The following AKR1C2 variants were observed in gnomAD, a reference collection of about 807,000 sequenced individuals.
The protein encoded by AKR1C2 is aldo-keto reductase family 1 member C2.
Under a neutral mutation model 39.8 loss-of-function variants are expected in AKR1C2, and 27 were observed. The observed-to-expected ratio is 0.68, with a 90% CI of 0.50 to 0.93. The LOEUF (loss-of-function observed/expected upper bound fraction) is 0.93, where lower values mean the gene tolerates loss of function less well. Ranked by LOEUF, AKR1C2 falls within the 40% of genes least tolerant of loss-of-function variation. The probability of loss-of-function intolerance (pLI) is 0.00; values close to 1 mark genes in which losing one functional copy is unlikely to be tolerated. For missense variants in AKR1C2, 263 were observed against 365.1 expected, an observed-to-expected ratio of 0.72 and a Z score of 2.28; for synonymous variants, 114 against 137.9, an observed-to-expected ratio of 0.83 and a Z score of 1.22.
upstream of AKR1C2, among the ~76,000 whole-genome samples, chr10:5,007,023 T>G (rs1837421321): frequency 6.7e-6 from 1 of 148,306 alleles, no homozygotes; most frequent in African/African-American, 2.5e-5. Flanking sequence ...CCGCCCACCT[T>G]GGCCTCCCAG....
In AKR1C2 at chr10:5,000,807, C is replaced by G. The variant is rs548844949; in HGVS notation, c.253-141G>C. The stretch of plus-strand genomic sequence containing the variant: ...AATTATTCTCTCTCTTCTTGTGATG[C>G]CTTTTGTTCTGCCATATCATGATGA... On this transcript the variant is annotated intron_variant, in intron 2 of 8. Coordinates refer to ENST00000380753, the MANE Select transcript of AKR1C2 (RefSeq NM_001393392.1). 3.9e-4 allele frequency: 274 copies of G among 695,232 alleles called. 1 individual carries two copies. Among genetic ancestry groups the G allele is most frequent in the Non-Finnish European group, 3.3e-4 (133 of 398,064 alleles). 43.1% of individuals were successfully genotyped at this position (695,232 alleles called of 1,614,324 possible). A position where few individuals can be genotyped will look rare whatever the true frequency, so the allele number is the denominator to read the frequency against.
chr10:4,998,717 C>T lies in AKR1C2; in HGVS notation c.478G>A (p.Ala160Thr). ...AAGTTGGACACCCCGATGGACTTGG[C>T]CAATCCTGCATCTTTACACTTCTCC... ...AMEKCKDAGLAKSIGVSNFNH... is the reference protein window; with the variant it reads ...AMEKCKDAGLTKSIGVSNFNH... The change falls in exon 5 of 9, where the codon GCC becomes ACC. Residue 160 changes from alanine to threonine, a missense_variant. Around this residue, in one of 3 missense-constraint regions of AKR1C2, gnomAD observed 247 missense variants for 267.9 expected, o/e 0.92. Transcript: ENST00000380753. The T allele has an allele frequency of 6.2e-7, 1 of 1,614,082 alleles. No individual in the cohort carries two copies. The highest frequency in any genetic ancestry group is 8.5e-7 in the Non-Finnish European group (1 of 1,180,016).
intron 4 of AKR1C2, among the ~76,000 whole-genome samples, 198 bp from the exon 5 acceptor site, chr10:4,998,945 C>T (rs1435492801): frequency 6.6e-6 from 1 of 152,116 alleles, no homozygotes; most frequent in African/African-American, 2.4e-5. Flanking sequence ...TCTGTTTCCT[C>T]CTTAGGAAAG....
At chr10:5,008,539 C>A (rs1443972492), upstream of AKR1C2, among the ~76,000 whole-genome samples, 1 of 152,084 alleles carries the variant, frequency 6.6e-6, no homozygotes, top group Non-Finnish European at 1.5e-5. Context: ...CTTTCCACAG[C>A]TTGTTTACAA....
rs540113061 is a variant in AKR1C2, at chr10:4,988,804, C to G, written c.*1192G>C. The G allele has an allele frequency of 2.0e-5, 3 of 151,162 alleles. No homozygotes were observed. Among genetic ancestry groups the G allele is most frequent in the African/African-American group, 7.3e-5 (3 of 41,074 alleles). The allele number at this position is 151,162 out of a possible 1,614,324, so 9.4% of individuals were successfully genotyped here. A position where few individuals can be genotyped will look rare whatever the true frequency, so the allele number is the denominator to read the frequency against. ...AAGTTTTCAAAAGTGTTTTCTAAAA[C>G]GAAAATCATGTCTTCATGATTAGCT... On this transcript the variant is annotated 3_prime_UTR_variant, in exon 9 of 9. Coordinates refer to ENST00000380753, the MANE Select transcript of AKR1C2 (RefSeq NM_001393392.1).
At chr10:5,011,278 C>T (rs1837517385) in intron 1 of AKR1C2, among the ~76,000 whole-genome samples, 1 of 152,138 alleles carries the variant, frequency 6.6e-6, no homozygotes, top group Admixed American at 6.5e-5. Flanking sequence ...CTTCTGTCTC[C>T]CACTGGTGGA....
At chr10:5,013,741 A>G (rs1301794897) in intron 1 of AKR1C2, 3 of 152,202 alleles carry the variant, frequency 2.0e-5, no homozygotes, top group Non-Finnish European at 4.4e-5. Flanking sequence ...TAACCATTTT[A>G]AAACATATAG....
At chr10:5,010,678 G>A (rs782299913) in intron 1 of AKR1C2, 6 of 152,238 alleles carry the variant, frequency 3.9e-5, no homozygotes, top group South Asian at 4.1e-4. Flanking sequence ...AAGGGCAAGG[G>A]AATAAACATG....
At chr10:5,012,771 T>C (rs1205018385) in intron 1 of AKR1C2, among the ~76,000 whole-genome samples, 3 of 152,210 alleles carry the variant, frequency 2.0e-5, no homozygotes, top group Admixed American at 2.0e-4. Flanking sequence ...AAATAAGAAA[T>C]GAATTCAAAC....
intron 1 of AKR1C2, chr10:5,013,595 C>A (rs1476881745): frequency 6.0e-6 from 1 of 166,848 alleles, no homozygotes; most frequent in East Asian, 1.4e-4. Flanking sequence ...CCTGGTTAAA[C>A]CTGCATCTCT....
intron 3 of AKR1C2, 169 bp downstream of exon 3, chr10:5,000,381 A>C: frequency 6.4e-7 from 1 of 1,553,370 alleles, no homozygotes; most frequent in Non-Finnish European, 8.7e-7. Context: ...GTATGGATTC[A>C]AAATTGCTTT....
At chr10:4,998,877 G>A in intron 4 of AKR1C2, 130 bp from the exon 5 acceptor site, 6 of 1,444,942 alleles carry the variant, frequency 4.2e-6, no homozygotes, top group African/African-American at 1.4e-5. Context: ...GTTCTTAAAA[G>A]GGAGAAAATA....
intron 1 of AKR1C2, among the ~76,000 whole-genome samples, chr10:5,013,806 T>C (rs561123144): frequency 7.9e-5 from 12 of 152,334 alleles, no homozygotes; most frequent in Admixed American, 5.2e-4. Flanking sequence ...AGTATACATA[T>C]ATTACAATTT....
rs199669245 is a variant in AKR1C2, at chr10:4,991,822, ATTAC to A, written c.929+5_929+8del. 0.01 allele frequency: 5,250 copies of A among 508,862 alleles called. 63 individuals carry two copies. Among genetic ancestry groups the A allele is most frequent in the South Asian group, 0.017 (747 of 44,208 alleles). The allele number at this position is 508,862 out of a possible 1,614,324, so 31.5% of individuals were successfully genotyped here. ...ATAAATTAGGACAACCATCTCCAAAATTACTTACATATCAAGGGTCAAATATCGC... is the reference window on the plus strand; with the variant it reads ...ATAAATTAGGACAACCATCTCCAAAATTACATATCAAGGGTCAAATATCGC... On this transcript the variant is annotated splice_donor_5th_base_variant and intron_variant, in intron 8 of 8. Coordinates refer to ENST00000380753, the MANE Select transcript of AKR1C2 (RefSeq NM_001393392.1).
Position 4,998,717 on chromosome 10 carries a change from C to A in AKR1C2, c.478G>T (p.Ala160Ser), listed in dbSNP as rs200244668. The A allele has an allele frequency of 6.2e-7, 1 of 1,614,082 alleles. No individual in the cohort carries two copies. The highest frequency in any genetic ancestry group is 8.5e-7 in the Non-Finnish European group (1 of 1,180,016). Residue 160 changes from alanine to serine, a missense_variant, in exon 5 of 9, where the codon GCC (alanine) becomes TCC (serine). By Grantham distance (99) the Ala-to-Ser change is moderately conservative (BLOSUM62 1). Transcript: ENST00000380753. ...AMEKCKDAGL[A>S]KSIGVSNFNH... ...AAGTTGGACACCCCGATGGACTTGG[C>A]CAATCCTGCATCTTTACACTTCTCC...
intron 2 of AKR1C2, 68 bp downstream of exon 2, chr10:5,001,446 A>T: frequency 6.4e-7 from 1 of 1,556,962 alleles, no homozygotes; most frequent in Non-Finnish European, 8.7e-7. Flanking sequence ...GGATCCAGTC[A>T]TAGAACTGCC....
At chr10:5,013,809 T>G (rs1554775132) in intron 1 of AKR1C2, among the ~76,000 whole-genome samples, 1 of 152,218 alleles carries the variant, frequency 6.6e-6, no homozygotes, top group Non-Finnish European at 1.5e-5. Flanking sequence ...ATACATATAT[T>G]ACAATTTTAA....
intron 1 of AKR1C2, among the ~76,000 whole-genome samples, chr10:5,002,982 T>C (rs1393692801): frequency 2.6e-5 from 4 of 152,214 alleles, no homozygotes; most frequent in African/African-American, 7.2e-5. Flanking sequence ...TTTATATAAC[T>C]AGTTCCTATT....
Position 5,003,817 on chromosome 10 carries a change from AC to A in AKR1C2, c.18del (p.Gln6HisfsTer3). MDSKY[Q>X]CVKLNDGHFM... ...AAGTGACCATCATTCAGCTTCACACACTGGTATTTCGAATCCATTTCTGTCA... is the reference window on the plus strand; with the variant it reads ...AAGTGACCATCATTCAGCTTCACACATGGTATTTCGAATCCATTTCTGTCA... On this transcript the variant is annotated frameshift_variant, in exon 1 of 9. Coordinates refer to ENST00000380753, the MANE Select transcript of AKR1C2 (RefSeq NM_001393392.1). LOFTEE classifies it high-confidence loss of function. The A allele has an allele frequency of 6.2e-7, 1 of 1,614,126 alleles. No homozygotes were observed.
Sources: allele counts gnomAD v4.1 joint callset (sites outside exome capture counted in the v4.1 genomes callset), GRCh38; gene constraint gnomAD v4.1.1; regional missense constraint gnomAD v4.1.1; transcripts MANE v1.5; gene names NCBI Gene and HGNC (gene_info 2026-07-23, HGNC 2026-07-21).